Variants in ZNF347 observed in about 807,000 individuals in gnomAD.
ZNF347 encodes CTD-2620I22.7.
Under a neutral mutation model 12.9 loss-of-function variants are expected in ZNF347, and 19 were observed. The observed-to-expected ratio is 1.47, with a 90% CI of 1.03 to 2.16. ZNF347 has a LOEUF of 2.16. ZNF347 is among the 30% of genes most tolerant of loss of function. The probability of loss-of-function intolerance (pLI) is 0.00; values close to 1 mark genes in which losing one functional copy is unlikely to be tolerated. For synonymous variants in ZNF347, 328 were observed against 340.6 expected (o/e 0.96, Z 0.41); for missense variants, 1,005 against 990.6 (o/e 1.01, Z -0.19).
chr19:53,140,505 T>G lies in ZNF347; in HGVS notation c.2323A>C (p.Ser775Arg), dbSNP rs778424427. 5.0e-6 allele frequency: 8 copies of G among 1,613,864 alleles called. No individual in the cohort carries two copies. In the South Asian group the frequency reaches 8.8e-5, roughly 18 times the overall value. ...YKCNECGKAF[S>R]QTSKLARHQR... Reference sequence around the variant, plus strand: ...TGCCTTGCAAGTTTTGAAGTTTGACTAAAGGCTTTGCCACACTCATTACAC... The same window carrying G: ...TGCCTTGCAAGTTTTGAAGTTTGACGAAAGGCTTTGCCACACTCATTACAC... The change falls in exon 5 of 5, where the codon AGT becomes CGT. Residue 775 changes from serine to arginine, a missense_variant. Transcript: ENST00000334197.
At chr19:53,154,456 G>A (rs930585679) in intron 1 of ZNF347, among the ~76,000 whole-genome samples, 3 of 152,140 alleles carry the variant, frequency 2.0e-5, no homozygotes, top group Admixed American at 6.6e-5. Flanking sequence ...AGGTGGGGTT[G>A]AAAGCCATGA....
intron 2 of ZNF347, 85 bp from the exon 3 acceptor site, chr19:53,149,452 T>G (rs1298391370): frequency 1.8e-5 from 28 of 1,595,022 alleles, no homozygotes; most frequent in Non-Finnish European, 2.4e-5. Context: ...TAGATTAAAC[T>G]GGAGTAAGTG....
At chr19:53,153,907 G>GGT in intron 1 of ZNF347, 114 bp from the exon 2 acceptor site, 2 of 727,060 alleles carry the variant, frequency 2.8e-6, no homozygotes, top group Non-Finnish European at 4.6e-6. Context: ...ACACACACAG[G>GGT]GAAGACCTCA....
At chr19:53,145,503 C>T (rs960081374) in intron 4 of ZNF347, among the ~76,000 whole-genome samples, 1 of 151,600 alleles carries the variant, frequency 6.6e-6, no homozygotes, top group South Asian at 2.1e-4. Context: ...AGTGATCCAC[C>T]CACCTCAGCC....
Position 53,153,728 on chromosome 19 carries a change from C to T in ZNF347, c.15+5G>A, listed in dbSNP as rs761247857. 1.9e-6 allele frequency: 3 copies of T among 1,613,898 alleles called. No homozygotes were observed. Among genetic ancestry groups the T allele is most frequent in the Non-Finnish European group, 2.5e-6 (3 of 1,179,750 alleles). ...CAGAACAATCCACTGATAATATTAC[C>T]TTACCTGGGTGAGAGCCATGCCTGA... On this transcript the variant is annotated splice_donor_5th_base_variant and intron_variant, in intron 2 of 4. Coordinates refer to ENST00000334197, the MANE Select transcript of ZNF347 (RefSeq NM_032584.3).
At position 53,140,678 on chromosome 19, in the gene ZNF347, G is replaced by A. The variant is rs1215092034; in HGVS notation, c.2150C>T (p.Ala717Val). ...KPYECNQCGK[A>V]FSVRSSLTTH... ...AGTTAGGCTTGAACGGACACTAAAGGCTTTCCCACACTGATTACACTCATA... is the reference window on the plus strand; with the variant it reads ...AGTTAGGCTTGAACGGACACTAAAGACTTTCCCACACTGATTACACTCATA... The change falls in exon 5 of 5, where the codon GCC becomes GTC. Residue 717 changes from alanine to valine, a missense_variant. Transcript: ENST00000334197. 2.5e-6 allele frequency: 4 copies of A among 1,612,590 alleles called. No individual in the cohort carries two copies. Among genetic ancestry groups the A allele is most frequent in the Non-Finnish European group, 2.5e-6 (3 of 1,179,878 alleles).
rs138912076 is a variant in ZNF347 at position 53,140,814 on chromosome 19, G to C, written c.2014C>G (p.Arg672Gly). ...FTQNSHLARHRRVHTGGKPYQ... is the reference protein window; with the variant it reads ...FTQNSHLARHGRVHTGGKPYQ... ...GGTTTACCTCCAGTATGAACTCTCC[G>C]ATGTCTTGCAAGGTGTGAATTCTGA... The change falls in exon 5 of 5, where the codon CGG (arginine) becomes GGG (glycine). Residue 672 changes from arginine (R) to glycine (G), a missense_variant. By Grantham distance (125) the Arg-to-Gly change is moderately radical. Coordinates refer to ENST00000334197, the MANE Select transcript of ZNF347 (RefSeq NM_032584.3). The C allele has an allele frequency of 1.8e-4, 297 of 1,613,636 alleles. 1 individual carries two copies. Among genetic ancestry groups the C allele is most frequent in the Non-Finnish European group, 2.3e-4 (277 of 1,179,864 alleles).
rs572008610 is a variant in ZNF347 at position 53,141,926 on chromosome 19, C to T, written c.902G>A (p.Arg301His). The part of the protein sequence containing the change: ...CYECGKAFRT[R>H]SNLTTHQVIH... ...CACCTGATGGGTAGTTAGGTTTGAA[C>T]GTGTTCTAAAGGCTTTGCCACACTC... Residue 301 changes from arginine to histidine, a missense_variant, in exon 5 of 5, where the codon CGT becomes CAT. Coordinates refer to ENST00000334197, the MANE Select transcript of ZNF347 (RefSeq NM_032584.3). The T allele has an allele frequency of 1.7e-5, 27 of 1,613,036 alleles. No individual in the cohort carries two copies. The highest frequency in any genetic ancestry group is 9.4e-5 in the African/African-American group (7 of 74,736).
In ZNF347 at chr19:53,141,608, C is replaced by T. The variant is rs754234238; in HGVS notation, c.1220G>A (p.Gly407Asp). The T allele has an allele frequency of 6.2e-7, 1 of 1,614,030 alleles. No homozygotes were observed. The highest frequency in any genetic ancestry group is 1.1e-5 in the South Asian group (1 of 91,056). ...GEKPYKCNEC[G>D]KVFTQNSHLT... ...GTGTGAATTTTGAGTGAAGACCTTGCCACATTCATTACATTTGTAAGGTTT... is the reference window on the plus strand; with the variant it reads ...GTGTGAATTTTGAGTGAAGACCTTGTCACATTCATTACATTTGTAAGGTTT... Residue 407 changes from glycine to aspartate, a missense_variant, in exon 5 of 5, where the codon GGC becomes GAC. Transcript: ENST00000334197.
rs1296398287 is a variant in ZNF347, at chr19:53,138,847, T to G, written c.*1461A>C. ...ATTTTTTTTAGCAAAACATTATGTC[T>G]GTGACACATTCTTAATAAAACTGTA... On this transcript the variant is annotated 3_prime_UTR_variant, in exon 5 of 5. Coordinates refer to ENST00000334197, the MANE Select transcript of ZNF347 (RefSeq NM_032584.3). The G allele has an allele frequency of 2.6e-5, 4 of 152,206 alleles. No individual in the cohort carries two copies. 9.4% of individuals were successfully genotyped at this position (152,206 alleles called of 1,614,324 possible).
At chr19:53,147,923 T>G (rs1056089514) in intron 4 of ZNF347, among the ~76,000 whole-genome samples, 4 of 152,184 alleles carry the variant, frequency 2.6e-5, no homozygotes, top group African/African-American at 9.7e-5. Context: ...CATATTATCA[T>G]TTCAATAGAT....
chr19:53,144,797 CA>C (rs2090452201), intron 4 of ZNF347, among the ~76,000 whole-genome samples: 1 of 152,076 alleles, frequency 6.6e-6, no homozygotes, highest in Non-Finnish European at 1.5e-5. Flanking sequence ...CATGCCCTAA[CA>C]GACGTTTACA....
intron 4 of ZNF347, among the ~76,000 whole-genome samples, chr19:53,148,412 G>A (rs1000800298): frequency 6.6e-5 from 10 of 152,130 alleles, no homozygotes; most frequent in Admixed American, 1.3e-4. Context: ...TGTGCCACAC[G>A]GAGTCAAGGA....
chr19:53,149,301 C>CG lies in ZNF347; in HGVS notation c.81dup (p.Ala28ArgfsTer15). The CG allele has an allele frequency of 6.2e-7, 1 of 1,613,892 alleles. No individual in the cohort carries two copies. Among genetic ancestry groups the CG allele is most frequent in the African/African-American group, 1.3e-5 (1 of 75,020 alleles). ...ACGTCCCTGTACAAAGTCCTCTGAG[C>CG]GGGGTCCAGGCATGTCCACTCCTCC... On this transcript the variant is annotated frameshift_variant, in exon 3 of 5. Transcript: ENST00000334197. LOFTEE classifies it high-confidence loss of function.
At chr19:53,156,577 G>A (rs2090537382) in intron 1 of ZNF347, among the ~76,000 whole-genome samples, 1 of 152,072 alleles carries the variant, frequency 6.6e-6, no homozygotes, top group African/African-American at 2.4e-5. Flanking sequence ...AACTTTCTAG[G>A]ACAGCTCTTC....
intron 4 of ZNF347, 111 bp from the exon 5 acceptor site, chr19:53,142,667 C>A (rs994890039): frequency 5.0e-6 from 4 of 800,078 alleles, no homozygotes; most frequent in Admixed American, 3.5e-5. Context: ...AAAAGCAATT[C>A]TTATATTAAA....
At chr19:53,147,402 AAC>A in intron 4 of ZNF347, among the ~76,000 whole-genome samples, 1 of 151,882 alleles carries the variant, frequency 6.6e-6, no homozygotes, top group Admixed American at 6.6e-5. Flanking sequence ...CAAACAAAAA[AAC>A]ACAATTAGTT....
Position 53,142,186 on chromosome 19 carries a change from G to C in ZNF347, c.642C>G (p.Phe214Leu). The change falls in exon 5 of 5, where the codon TTC becomes TTG. Residue 214 changes from phenylalanine to leucine, a missense_variant. Physicochemically the swap from Phe to Leu is conservative, Grantham distance 22. Transcript: ENST00000334197. ...IYECNQVEKS[F>L]NNNSSVSPPQ... ...GTGGTGAAACTGAGGAATTATTGTT[G>C]AAAGACTTCTCAACCTGATTACATT... The C allele has an allele frequency of 6.2e-7, 1 of 1,613,968 alleles. No homozygotes were observed. Among genetic ancestry groups the C allele is most frequent in the Non-Finnish European group, 8.5e-7 (1 of 1,179,972 alleles).
intron 2 of ZNF347, among the ~76,000 whole-genome samples, chr19:53,153,429 C>G (rs535078009): frequency 6.6e-6 from 1 of 152,280 alleles, no homozygotes; most frequent in South Asian, 2.1e-4. Flanking sequence ...CCAGATGTGG[C>G]CCCTGAACAA....
Sources: allele counts gnomAD v4.1 joint callset (sites outside exome capture counted in the v4.1 genomes callset), GRCh38; gene constraint gnomAD v4.1.1; transcripts MANE v1.5; gene names NCBI Gene and HGNC (gene_info 2026-07-23, HGNC 2026-07-21).